PREX1: variants seen among roughly 807,000 people sequenced by gnomAD.
PREX1 encodes phosphatidylinositol-3,4,5-trisphosphate dependent Rac exchange factor 1.
PREX1 carries 41 observed loss-of-function variants against 198.3 expected under a neutral mutation model. That is an observed-to-expected ratio of 0.21 (90% CI 0.16 to 0.27). The LOEUF (loss-of-function observed/expected upper bound fraction) is 0.27. Ranked by LOEUF, PREX1 falls within the 10% of genes least tolerant of loss-of-function variation. PREX1 has a pLI of 1.00. For missense variants in PREX1, 1,620 were observed against 2,200.7 expected, an observed-to-expected ratio of 0.74 and a Z score of 5.28; for synonymous variants, 843 against 887.2, an observed-to-expected ratio of 0.95 and a Z score of 0.89.
intron 15 of PREX1, among the ~76,000 whole-genome samples, chr20:48,665,408 T>C (rs1219595830): frequency 7.8e-5 from 10 of 127,756 alleles, no homozygotes; most frequent in East Asian, 2.5e-4. Flanking sequence ...CCGCCCCAGA[T>C]GGCCTGAATT....
Position 48,666,505 on chromosome 20 carries a change from T to A in PREX1, c.1666-150A>T. 2.0e-6 allele frequency: 1 copy of A among 509,126 alleles called. No individual in the cohort carries two copies. Among genetic ancestry groups the A allele is most frequent in the Non-Finnish European group, 3.4e-6 (1 of 291,436 alleles). 31.5% of individuals were successfully genotyped at this position (509,126 alleles called of 1,614,324 possible). On this transcript the variant is annotated intron_variant, in intron 14 of 39. Transcript: ENST00000371941. This position sits in a 1 kb window ranked among gnomAD's most constrained non-coding sequence, Gnocchi z 4.3. Reference sequence around the variant, plus strand: ...TTTACTGCAGTAACCCCAAAACGGGTTTGTGATTATTATTTTTTATTATTA... The same window carrying A: ...TTTACTGCAGTAACCCCAAAACGGGATTGTGATTATTATTTTTTATTATTA...
intron 3 of PREX1, among the ~76,000 whole-genome samples, chr20:48,740,876 T>G (rs2090078440): frequency 6.6e-6 from 1 of 152,280 alleles, no homozygotes; most frequent in African/African-American, 2.4e-5. Flanking sequence ...CTAGATAGAA[T>G]GCGGTAATAC....
chr20:48,651,678 G>A (rs1601045683), intron 21 of PREX1, 95 bp from the exon 22 acceptor site: 1 of 1,258,270 alleles, frequency 7.9e-7, no homozygotes, highest in African/African-American at 1.5e-5. Flanking sequence ...CAGGCAGTGG[G>A]AACAGCAAGT....
At chr20:48,875,194 A>G in the PREX1 span, among the ~76,000 whole-genome samples, 2 of 152,230 alleles carry the variant, frequency 1.3e-5, no homozygotes, top group Non-Finnish European at 2.9e-5. Context: ...ACTGGGTGTC[A>G]GGGAAGGTTT....
rs2089330810 is a variant in PREX1 at position 48,633,327 on chromosome 20, G to A, written c.4268-688C>T. Reference sequence around the variant, plus strand: ...AAAACTGGCTCGTGGGAAGGAGAATGAAAACACTTTCCTCTTTTAATGTAT... The same window carrying A: ...AAAACTGGCTCGTGGGAAGGAGAATAAAAACACTTTCCTCTTTTAATGTAT... On this transcript the variant is annotated intron_variant, in intron 33 of 39. Transcript: ENST00000371941. 2.0e-5 allele frequency among the ~76,000 whole-genome samples: 3 copies of A among 152,218 alleles called. No homozygotes were observed. In the South Asian group the frequency reaches 6.2e-4, roughly 32 times the overall value.
intron 5 of PREX1, among the ~76,000 whole-genome samples, chr20:48,717,048 T>C (rs2089965335): frequency 6.6e-6 from 1 of 152,126 alleles, no homozygotes; most frequent in Admixed American, 6.5e-5. Flanking sequence ...AACAATGTCA[T>C]AAAAACAATA....
Position 48,712,689 on chromosome 20 carries a change from C to G in PREX1, c.622-4268G>C, listed in dbSNP as rs117823420. Among the ~76,000 whole-genome samples the G allele has an allele frequency of 2.3e-3, 351 of 152,294 alleles. 4 individuals are homozygous for G. In the East Asian group the frequency reaches 0.045, roughly 19 times the overall value. On this transcript the variant is annotated intron_variant, in intron 5 of 39. Transcript: ENST00000371941. ...GACCTGGCCAGGCCCATAGCTGGAC[C>G]AAAACCGCAGGGGAAGTGTTAGCTT...
the PREX1 span, among the ~76,000 whole-genome samples, chr20:48,881,925 C>CCCCCAG: frequency 6.6e-6 from 1 of 151,062 alleles, no homozygotes; most frequent in East Asian, 1.9e-4. Flanking sequence ...CCCACCCCCA[C>CCCCCAG]CCCCAGCCCT....
the PREX1 span, among the ~76,000 whole-genome samples, chr20:48,834,569 T>TC: frequency 6.6e-6 from 1 of 151,846 alleles, no homozygotes; most frequent in Non-Finnish European, 1.5e-5. Context: ...CCTGAGCCTT[T>TC]TTTTTTTGAG....
intron 1 of PREX1, among the ~76,000 whole-genome samples, chr20:48,780,833 T>C (rs999381476): frequency 9.9e-5 from 15 of 152,160 alleles, no homozygotes; most frequent in African/African-American, 3.4e-4. Flanking sequence ...TCCCCCAAAA[T>C]GTCTAGTAAT....
chr20:48,857,091 G>A, the PREX1 span, among the ~76,000 whole-genome samples: 61 of 152,218 alleles, frequency 4.0e-4, 2 homozygotes, highest in South Asian at 0.011. Context: ...CACACTCCTC[G>A]GCCTCCCCAA....
At chr20:48,780,427 G>A (rs2090283471) in intron 1 of PREX1, among the ~76,000 whole-genome samples, 1 of 151,994 alleles carries the variant, frequency 6.6e-6, no homozygotes, top group African/African-American at 2.4e-5. Flanking sequence ...AGACCAGCCT[G>A]GGCAACACAG....
intron 3 of PREX1, among the ~76,000 whole-genome samples, chr20:48,737,642 G>A (rs1680683677): frequency 6.6e-6 from 1 of 152,132 alleles, no homozygotes; most frequent in Non-Finnish European, 1.5e-5. Flanking sequence ...AAACCAATCA[G>A]AGTTCCCCGT....
chr20:48,797,088 AT>A (rs1430373429), intron 1 of PREX1, among the ~76,000 whole-genome samples: 1 of 152,106 alleles, frequency 6.6e-6, no homozygotes, highest in Non-Finnish European at 1.5e-5. Flanking sequence ...ACCTAAAATA[AT>A]TAAAATTTTA....
Position 48,801,809 on chromosome 20 carries a change from G to A in PREX1, c.219+25833C>T, listed in dbSNP as rs6012534. ...TGGGAGGTGTTTGAGTCATGGAGGCGGACCCCTCATGAGTGGGCTGGTGCC... is the reference window on the plus strand; with the variant it reads ...TGGGAGGTGTTTGAGTCATGGAGGCAGACCCCTCATGAGTGGGCTGGTGCC... On this transcript the variant is annotated intron_variant, in intron 1 of 39. Coordinates refer to ENST00000371941, the MANE Select transcript of PREX1 (RefSeq NM_020820.4). Among the ~76,000 whole-genome samples the A allele has an allele frequency of 1.6e-3, 239 of 152,296 alleles. 2 individuals carry two copies. The highest frequency in any genetic ancestry group is 5.3e-3 in the African/African-American group (220 of 41,558).
intron 10 of PREX1, among the ~76,000 whole-genome samples, chr20:48,685,383 C>T (rs1057248741): frequency 6.6e-6 from 1 of 152,234 alleles, no homozygotes; most frequent in Non-Finnish European, 1.5e-5. Flanking sequence ...AGAGGCCCCT[C>T]CTTCATACAC....
At chr20:48,865,863 G>C in the PREX1 span, among the ~76,000 whole-genome samples, 1 of 152,128 alleles carries the variant, frequency 6.6e-6, no homozygotes, top group Non-Finnish European at 1.5e-5. Flanking sequence ...ATGGATAATG[G>C]GCTATTACCT....
At chr20:48,839,164 C>T in the PREX1 span, among the ~76,000 whole-genome samples, 10 of 152,014 alleles carry the variant, frequency 6.6e-5, no homozygotes, top group African/African-American at 2.4e-4. Context: ...TACTACACTG[C>T]TTTTCCTCCT....
At chr20:48,828,418 T>C (rs2090522873), upstream of PREX1, among the ~76,000 whole-genome samples, 1 of 152,056 alleles carries the variant, frequency 6.6e-6, no homozygotes, top group African/African-American at 2.4e-5. Flanking sequence ...CGGCCGCTGC[T>C]CGGGCCAAGT....
Sources: allele counts gnomAD v4.1 joint callset (sites outside exome capture counted in the v4.1 genomes callset), GRCh38; gene constraint gnomAD v4.1.1; non-coding constraint Gnocchi (gnomAD v3.1); transcripts MANE v1.5; gene names NCBI Gene and HGNC (gene_info 2026-07-23, HGNC 2026-07-21).